PCDH15: variants seen among roughly 807,000 people sequenced by gnomAD.
PCDH15 encodes the protein protocadherin related 15.
Under a neutral mutation model 178.5 loss-of-function variants are expected in PCDH15, and 129 were observed. The ratio of observed to expected loss-of-function variants is 0.72; its 90% CI spans 0.63 to 0.84. The LOEUF is 0.84. PCDH15 is among the 40% of genes least tolerant of loss of function. The probability of loss-of-function intolerance (pLI) is 0.00; values close to 1 mark genes in which losing one functional copy is unlikely to be tolerated. For missense variants in PCDH15, 2,230 were observed against 2,099.9 expected (o/e 1.06, Z -1.21); for synonymous variants, 800 against 732.0 (o/e 1.09, Z -1.50).
chr10:54,647,402 A>C (rs1299008763), intron 2 of PCDH15, among the ~76,000 whole-genome samples: 1 of 152,088 alleles, frequency 6.6e-6, no homozygotes, highest in Non-Finnish European at 1.5e-5. Context: ...ACATGTGTAG[A>C]TATTTAGTTA....
intron 1 of PCDH15, among the ~76,000 whole-genome samples, chr10:55,185,886 T>C (rs547363129): frequency 1.3e-5 from 2 of 151,932 alleles, no homozygotes; most frequent in South Asian, 2.1e-4. Context: ...GAAATATTTA[T>C]ACATTTGAAT....
At chr10:54,721,914 G>A (rs1213057683) in intron 1 of PCDH15, among the ~76,000 whole-genome samples, 1 of 151,672 alleles carries the variant, frequency 6.6e-6, no homozygotes, top group Admixed American at 6.6e-5. Flanking sequence ...AGGCGACAAT[G>A]TAAAAGAAAG....
chr10:54,094,781 G>A (rs959215290), intron 15 of PCDH15, among the ~76,000 whole-genome samples: 1 of 151,994 alleles, frequency 6.6e-6, no homozygotes, highest in South Asian at 2.1e-4. Flanking sequence ...TTTGCCTGAA[G>A]AACAAATGAT....
intron 1 of PCDH15, among the ~76,000 whole-genome samples, chr10:55,177,052 G>A (rs1198530688): frequency 1.3e-5 from 2 of 152,166 alleles, no homozygotes; most frequent in African/African-American, 2.4e-5. Flanking sequence ...GACAGAAGAT[G>A]TAAGATCTCA....
At chr10:54,100,185 G>A (rs772774983) in intron 15 of PCDH15, among the ~76,000 whole-genome samples, 1 of 151,994 alleles carries the variant, frequency 6.6e-6, no homozygotes, top group African/African-American at 2.4e-5. Flanking sequence ...GACCAACATG[G>A]TGAAACCTGT....
At chr10:55,057,447 A>T (rs1391810722) in intron 2 of PCDH15, among the ~76,000 whole-genome samples, 1 of 152,040 alleles carries the variant, frequency 6.6e-6, no homozygotes, top group Admixed American at 6.6e-5. Context: ...AGGTTGAATA[A>T]TTTTTCTTAT....
chr10:55,542,231 C>T (rs1042224856), intron 2 of PCDH15, among the ~76,000 whole-genome samples: 1 of 150,774 alleles, frequency 6.6e-6, no homozygotes, highest in Non-Finnish European at 1.5e-5. Context: ...TGCATGTGTA[C>T]AGTATATGCC....
intron 26 of PCDH15, among the ~76,000 whole-genome samples, chr10:53,876,112 G>A (rs958729676): frequency 2.0e-5 from 3 of 151,420 alleles, no homozygotes; most frequent in African/African-American, 7.3e-5. Context: ...AGGTCACTAT[G>A]TCAAGTTTGC....
chr10:55,356,900 G>C (rs1351319893), intron 2 of PCDH15, among the ~76,000 whole-genome samples: 2 of 151,836 alleles, frequency 1.3e-5, no homozygotes, highest in African/African-American at 2.4e-5. Flanking sequence ...CCTTTGCTAT[G>C]ATTCCCTTTG....
intron 2 of PCDH15, among the ~76,000 whole-genome samples, chr10:55,333,740 G>T (rs1471474037): frequency 1.3e-5 from 2 of 151,684 alleles, no homozygotes; most frequent in African/African-American, 4.8e-5. Context: ...AGGAACGTTG[G>T]AATTTCTTAT....
At chr10:54,106,774 T>C (rs1171364718) in intron 15 of PCDH15, among the ~76,000 whole-genome samples, 1 of 152,236 alleles carries the variant, frequency 6.6e-6, no homozygotes, top group East Asian at 1.9e-4. Context: ...TATATGATGC[T>C]GTTTGGTGTT....
At chr10:54,510,316 G>A (rs1020669332) in intron 3 of PCDH15, among the ~76,000 whole-genome samples, 1 of 152,130 alleles carries the variant, frequency 6.6e-6, no homozygotes, top group Non-Finnish European at 1.5e-5. Flanking sequence ...CTACCCTGAT[G>A]CCCTGGGAAA....
intron 1 of PCDH15, among the ~76,000 whole-genome samples, chr10:54,698,779 G>C (rs1462011411): frequency 6.6e-6 from 1 of 152,032 alleles, no homozygotes; most frequent in African/African-American, 2.4e-5. Context: ...CATTTACCTA[G>C]TGCCTTCTAT....
intron 10 of PCDH15, among the ~76,000 whole-genome samples, chr10:54,197,813 A>G (rs2049826034): frequency 6.6e-6 from 1 of 152,140 alleles, no homozygotes; most frequent in Non-Finnish European, 1.5e-5. Context: ...TATATTGAAG[A>G]TTTGTTGAAA....
chr10:54,878,894 T>C (rs960192490), intron 3 of PCDH15, among the ~76,000 whole-genome samples: 6 of 152,274 alleles, frequency 3.9e-5, no homozygotes, highest in Admixed American at 2.6e-4. Context: ...ATAGTTCAGC[T>C]CTCACTTATA....
At chr10:55,044,599 G>C (rs1840951866) in intron 2 of PCDH15, among the ~76,000 whole-genome samples, 1 of 151,892 alleles carries the variant, frequency 6.6e-6, no homozygotes, top group African/African-American at 2.4e-5. Flanking sequence ...AAAAGGTTCG[G>C]TTCCCATGAG....
At chr10:55,242,001 G>T (rs531896016) in intron 1 of PCDH15, among the ~76,000 whole-genome samples, 2 of 152,196 alleles carry the variant, frequency 1.3e-5, no homozygotes, top group African/African-American at 4.8e-5. Flanking sequence ...TTCTTCATTG[G>T]TTTATTGAGA....
intron 3 of PCDH15, among the ~76,000 whole-genome samples, chr10:54,520,302 G>A (rs2082707725): frequency 6.6e-6 from 1 of 152,172 alleles, no homozygotes; most frequent in East Asian, 1.9e-4. Flanking sequence ...GAAAATTTTT[G>A]CAACCTACTC....
intron 8 of PCDH15, among the ~76,000 whole-genome samples, chr10:54,288,740 C>T (rs1404698192): frequency 1.3e-5 from 2 of 152,264 alleles, no homozygotes; most frequent in Non-Finnish European, 2.9e-5. Flanking sequence ...AGGTCCCACA[C>T]CCACAGAGCC....
Sources: allele counts gnomAD v4.1 joint callset (sites outside exome capture counted in the v4.1 genomes callset), GRCh38; gene constraint gnomAD v4.1.1; transcripts MANE v1.5; gene names NCBI Gene and HGNC (gene_info 2026-07-23, HGNC 2026-07-21).